The following KDSR variants were observed in gnomAD, a reference collection of about 807,000 sequenced individuals.
KDSR encodes the protein 3-ketodihydrosphingosine reductase.
KDSR carries 23 observed loss-of-function variants against 41.3 expected under a neutral mutation model. The observed-to-expected ratio is 0.56, with a 90% CI of 0.40 to 0.79. The LOEUF (loss-of-function observed/expected upper bound fraction) is 0.79. Ranked by LOEUF, KDSR falls within the 30% of genes least tolerant of loss-of-function variation. The pLI, the probability that KDSR is intolerant of heterozygous loss-of-function variation, is 0.00. For missense variants in KDSR, 351 were observed against 416.8 expected (o/e 0.84, Z 1.37); for synonymous variants, 138 against 151.7 (o/e 0.91, Z 0.66).
rs1285446483 is a variant in KDSR at position 63,331,272 on chromosome 18, GAGAGAGAGAGAGACAGAGAGAC to G, written c.*488_*509del. On this transcript the variant is annotated 3_prime_UTR_variant, in exon 10 of 10. Coordinates refer to ENST00000645214, the MANE Select transcript of KDSR (RefSeq NM_002035.4). ...TAAAATACACAAAGAAAGAAAGAGA[GAGAGAGAGAGAGACAGAGAGAC>G]AGAGAGACAGAGAGACAGAGAGACA... is the stretch of plus-strand genomic sequence containing the variant. 1 of 151,544 alleles carries G rather than the reference GAGAGAGAGAGAGACAGAGAGAC, an allele frequency of 6.6e-6. No homozygotes were observed. Among genetic ancestry groups the G allele is most frequent in the Non-Finnish European group, 1.3e-5 (1 of 74,974 alleles). 9.4% of individuals were successfully genotyped at this position (151,544 alleles called of 1,614,324 possible). A position where few individuals can be genotyped will look rare whatever the true frequency, so the allele number is the denominator to read the frequency against.
chr18:63,354,644 A>G (rs888097846), intron 5 of KDSR, among the ~76,000 whole-genome samples: 2 of 152,184 alleles, frequency 1.3e-5, no homozygotes, highest in African/African-American at 2.4e-5. Flanking sequence ...CTCCAGCCTG[A>G]GTGACAGAGT....
intron 6 of KDSR, among the ~76,000 whole-genome samples, chr18:63,348,671 G>A (rs1409282376): frequency 6.6e-6 from 1 of 152,088 alleles, no homozygotes; most frequent in Non-Finnish European, 1.5e-5. Context: ...ACAGAGGTTG[G>A]GGGGCTCTGT....
In KDSR at chr18:63,335,361, A is replaced by C; in HGVS notation, c.778-3T>G. 6.3e-7 allele frequency: 1 copy of C among 1,595,510 alleles called. No individual in the cohort carries two copies. The stretch of plus-strand genomic sequence containing the variant: ...AGGGAACTGTTGAAATTTCCTTGCT[A>C]AAAGAGAAGAAAAAGAAGAGAAAGA... On this transcript the variant is annotated splice_polypyrimidine_tract_variant and splice_region_variant and intron_variant, in intron 8 of 9. Transcript: ENST00000645214.
rs753364832 is a variant in KDSR at position 63,335,246 on chromosome 18, G to A, written c.879+11C>T. ...TCGGCCTGTCTGATTGCTAGCCTAG[G>A]CAGAGCTTACCTGCTGGAGCCCCTC... On this transcript the variant is annotated intron_variant, in intron 9 of 9. Coordinates refer to ENST00000645214, the MANE Select transcript of KDSR (RefSeq NM_002035.4). The A allele has an allele frequency of 1.1e-5, 17 of 1,584,494 alleles. No individual in the cohort carries two copies. The highest frequency in any genetic ancestry group is 1.3e-5 in the Non-Finnish European group (15 of 1,153,546).
intron 8 of KDSR, among the ~76,000 whole-genome samples, chr18:63,336,463 T>G (rs1056921286): frequency 6.6e-6 from 1 of 152,176 alleles, no homozygotes; most frequent in African/African-American, 2.4e-5. Flanking sequence ...CCACGTGTCA[T>G]CAATGTGAAA....
intron 3 of KDSR, among the ~76,000 whole-genome samples, chr18:63,357,953 G>A (rs978771554): frequency 2.6e-5 from 4 of 152,084 alleles, no homozygotes; most frequent in East Asian, 1.9e-4. Flanking sequence ...TGAGGCGGGC[G>A]GATCACGAGG....
intron 3 of KDSR, 192 bp downstream of exon 3, chr18:63,359,544 T>C (rs191778479): frequency 2.2e-6 from 1 of 457,504 alleles, no homozygotes. Context: ...TAGATATGAA[T>C]GTGTGTGGGA....
At chr18:63,355,998 AATAT>A (rs1914783211) in intron 3 of KDSR, among the ~76,000 whole-genome samples, 1 of 152,212 alleles carries the variant, frequency 6.6e-6, no homozygotes, top group African/African-American at 2.4e-5. Context: ...CCTCTTTGCA[AATAT>A]AACCTGCAGC....
chr18:63,348,054 AGGCAGGT>A (rs2144362704), intron 6 of KDSR, among the ~76,000 whole-genome samples: 1 of 152,278 alleles, frequency 6.6e-6, no homozygotes, highest in East Asian at 1.9e-4. Context: ...TGGGAGGCCA[AGGCAGGT>A]GGATCACCTG....
At chr18:63,358,352 G>A (rs1239491025) in intron 3 of KDSR, among the ~76,000 whole-genome samples, 3 of 152,022 alleles carry the variant, frequency 2.0e-5, no homozygotes, top group Non-Finnish European at 4.4e-5. Flanking sequence ...GATTCTTCAC[G>A]GGGTGAGGAA....
At chr18:63,355,411 G>A in intron 4 of KDSR, 87 bp downstream of exon 4, 2 of 1,609,062 alleles carry the variant, frequency 1.2e-6, no homozygotes, top group Non-Finnish European at 1.7e-6. Context: ...TAGAGAAGTT[G>A]TGTCCATTCC....
Position 63,331,695 on chromosome 18 carries a change from A to G in KDSR, c.*87T>C. 6.7e-6 allele frequency: 9 copies of G among 1,336,648 alleles called. No individual in the cohort carries two copies. In the South Asian group the frequency reaches 8.0e-5, roughly 12 times the overall value. The allele number at this position is 1,336,648 out of a possible 1,614,324, so 82.8% of individuals were successfully genotyped here. Reference sequence around the variant, plus strand: ...CTGACGTATTCGAAAACAATACATAAGTGTCTATAGGCCAAAAATTGGGTC... The same window carrying G: ...CTGACGTATTCGAAAACAATACATAGGTGTCTATAGGCCAAAAATTGGGTC... On this transcript the variant is annotated 3_prime_UTR_variant, in exon 10 of 10. Transcript: ENST00000645214.
chr18:63,365,863 T>C (rs1915120485), intron 1 of KDSR: 1 of 152,208 alleles, frequency 6.6e-6, no homozygotes, highest in Non-Finnish European at 1.5e-5. Context: ...ACAGGAGGTG[T>C]TGGAAAAAGC....
chr18:63,345,657 G>C (rs12970877), intron 6 of KDSR: 1 of 151,902 alleles, frequency 6.6e-6, no homozygotes, highest in Non-Finnish European at 1.5e-5. Flanking sequence ...TAGCCCAGGG[G>C]CCGGGGGCAG....
At chr18:63,350,263 G>A (rs1012920726) in intron 6 of KDSR, among the ~76,000 whole-genome samples, 4 of 152,168 alleles carry the variant, frequency 2.6e-5, no homozygotes, top group African/African-American at 7.2e-5. Context: ...CATGACAGAC[G>A]CTATTTTGAT....
intron 5 of KDSR, 128 bp from the exon 6 acceptor site, chr18:63,351,207 CTGAA>C: frequency 1.1e-5 from 7 of 661,366 alleles, no homozygotes; most frequent in South Asian, 6.7e-5. Context: ...AACAGGCTTG[CTGAA>C]TGAATGAATG....
intron 3 of KDSR, among the ~76,000 whole-genome samples, chr18:63,356,126 G>A (rs1006833849): frequency 2.6e-5 from 4 of 152,144 alleles, no homozygotes; most frequent in Non-Finnish European, 4.4e-5. Flanking sequence ...GGCCAGGCGC[G>A]GTGGCTCACG....
intron 2 of KDSR, among the ~76,000 whole-genome samples, chr18:63,361,069 T>TAC (rs1208777293): frequency 9.2e-5 from 9 of 98,022 alleles, no homozygotes; most frequent in African/African-American, 3.5e-4. Context: ...TGTAAATATA[T>TAC]ATACACACAC....
At chr18:63,352,232 A>T (rs558780558) in intron 5 of KDSR, among the ~76,000 whole-genome samples, 1 of 152,104 alleles carries the variant, frequency 6.6e-6, no homozygotes, top group South Asian at 2.1e-4. Flanking sequence ...ATCAATCATA[A>T]TTTTTTTTCA....
Sources: gnomAD v4.1 joint callset for allele counts (sites outside exome capture counted in the v4.1 genomes callset) on GRCh38, gnomAD v4.1.1 for gene constraint, MANE v1.5 for transcripts, NCBI Gene and HGNC (gene_info 2026-07-23, HGNC 2026-07-21) for gene names.